CWC27: variants seen among roughly 807,000 people sequenced by gnomAD.
The protein encoded by CWC27 is CWC27 spliceosome associated cyclophilin.
Under a neutral mutation model 63.6 loss-of-function variants are expected in CWC27, and 47 were observed. The observed-to-expected ratio is 0.74, with a 90% CI of 0.58 to 0.94. CWC27 has a LOEUF of 0.94. Ranked by LOEUF, CWC27 falls within the 40% of genes least tolerant of loss-of-function variation. The probability of loss-of-function intolerance (pLI) is 0.00; values close to 1 mark genes in which losing one functional copy is unlikely to be tolerated. For synonymous variants in CWC27, 175 were observed against 179.8 expected (o/e 0.97, Z 0.22); for missense variants, 495 against 554.3 (o/e 0.89, Z 1.07).
At chr5:64,905,452 A>G (rs1747612308) in intron 11 of CWC27, among the ~76,000 whole-genome samples, 1 of 152,128 alleles carries the variant, frequency 6.6e-6, no homozygotes. Flanking sequence ...ATGACCCATT[A>G]CAGTAAAGGG....
At chr5:64,784,580 A>G (rs1346032048) in intron 4 of CWC27, among the ~76,000 whole-genome samples, 1 of 152,200 alleles carries the variant, frequency 6.6e-6, no homozygotes, top group Non-Finnish European at 1.5e-5. Flanking sequence ...CATATCGGAC[A>G]TCACTAGTGC....
intron 10 of CWC27, among the ~76,000 whole-genome samples, chr5:64,883,410 G>A (rs991159157): frequency 1.3e-5 from 2 of 152,152 alleles, no homozygotes; most frequent in Non-Finnish European, 2.9e-5. Context: ...ACCTATATAG[G>A]AGTGATAGTT....
chr5:64,888,517 T>C, intron 11 of CWC27, among the ~76,000 whole-genome samples: 1 of 124,926 alleles, frequency 8.0e-6, no homozygotes, highest in South Asian at 2.6e-4. Context: ...CATATATTAT[T>C]ATTTATTATT....
intron 7 of CWC27, among the ~76,000 whole-genome samples, chr5:64,791,272 T>C (rs899011248): frequency 1.3e-5 from 2 of 152,208 alleles, no homozygotes; most frequent in African/African-American, 4.8e-5. Flanking sequence ...GTTTGAATTT[T>C]TTCTATTTGT....
intron 10 of CWC27, among the ~76,000 whole-genome samples, chr5:64,852,739 C>T (rs1413338825): frequency 1.3e-5 from 2 of 150,930 alleles, no homozygotes; most frequent in Non-Finnish European, 2.9e-5. Context: ...TCCCAAAGTG[C>T]TGGAATTACA....
chr5:64,911,182 G>A (rs1747778103), intron 11 of CWC27, among the ~76,000 whole-genome samples: 1 of 152,148 alleles, frequency 6.6e-6, no homozygotes, highest in Non-Finnish European at 1.5e-5. Context: ...CTCCCTCCGT[G>A]TTAACAATCA....
chr5:64,985,603 G>A (rs1339098301), intron 13 of CWC27, among the ~76,000 whole-genome samples: 1 of 152,102 alleles, frequency 6.6e-6, no homozygotes, highest in Non-Finnish European at 1.5e-5. Context: ...GTTTTTGTTT[G>A]TTGGCCTGGT....
At chr5:64,937,538 G>A (rs1295779105) in intron 11 of CWC27, among the ~76,000 whole-genome samples, 3 of 152,190 alleles carry the variant, frequency 2.0e-5, no homozygotes. Context: ...TAGAATAAGT[G>A]TGATGTGGTG....
At chr5:64,850,145 T>TGGA (rs1331768687) in intron 10 of CWC27, among the ~76,000 whole-genome samples, 1 of 149,490 alleles carries the variant, frequency 6.7e-6, no homozygotes, top group Non-Finnish European at 1.5e-5. Context: ...AGAGCTAAGC[T>TGGA]GGAGGTATCA....
chr5:64,917,645 AC>A (rs1650800572), intron 11 of CWC27, among the ~76,000 whole-genome samples: 1 of 152,164 alleles, frequency 6.6e-6, no homozygotes, highest in African/African-American at 2.4e-5. Context: ...CCTGAATAGA[AC>A]AAAAAGGCTG....
chr5:65,015,748 G>A (rs1055265417), intron 13 of CWC27, among the ~76,000 whole-genome samples: 3 of 152,204 alleles, frequency 2.0e-5, no homozygotes, highest in Non-Finnish European at 4.4e-5. Flanking sequence ...AAGTAAAGAG[G>A]AGCTGTGCTT....
At chr5:64,908,611 T>G (rs1747714591) in intron 11 of CWC27, among the ~76,000 whole-genome samples, 1 of 152,234 alleles carries the variant, frequency 6.6e-6, no homozygotes, top group South Asian at 2.1e-4. Context: ...CTCCTCTTAT[T>G]GAATTGATCC....
intron 11 of CWC27, among the ~76,000 whole-genome samples, chr5:64,938,742 C>T (rs1037815348): frequency 5.3e-5 from 8 of 152,286 alleles, no homozygotes; most frequent in South Asian, 2.1e-4. Context: ...TCAGGTACAC[C>T]AGTCAAACAT....
At chr5:64,827,434 A>T (rs565705214) in intron 10 of CWC27, among the ~76,000 whole-genome samples, 1 of 152,104 alleles carries the variant, frequency 6.6e-6, no homozygotes, top group Admixed American at 6.6e-5. Context: ...ACTTGACTAT[A>T]AAAAAAGGAC....
chr5:64,938,906 A>G (rs1748416176), intron 11 of CWC27, among the ~76,000 whole-genome samples: 1 of 152,048 alleles, frequency 6.6e-6, no homozygotes. Flanking sequence ...TCTGCTATTG[A>G]TACTTGTGTA....
At chr5:64,837,622 AAGCAAGTTC>A (rs1262994283) in intron 10 of CWC27, among the ~76,000 whole-genome samples, 2 of 151,896 alleles carry the variant, frequency 1.3e-5, no homozygotes, top group African/African-American at 4.8e-5. Context: ...CAAGAATATG[AAGCAAGTTC>A]AGGGTTAAAG....
intron 11 of CWC27, among the ~76,000 whole-genome samples, chr5:64,923,846 A>G (rs1191773810): frequency 6.6e-6 from 1 of 151,718 alleles, no homozygotes. Flanking sequence ...TTTCTTCTTC[A>G]TAATAATAAT....
At chr5:64,992,137 T>A (rs997327043) in intron 13 of CWC27, among the ~76,000 whole-genome samples, 2 of 152,248 alleles carry the variant, frequency 1.3e-5, no homozygotes, top group African/African-American at 4.8e-5. Context: ...AGGACCTTTA[T>A]CCTACCTCAT....
intron 13 of CWC27, among the ~76,000 whole-genome samples, chr5:65,014,662 G>T (rs1034066911): frequency 6.6e-6 from 1 of 152,074 alleles, no homozygotes; most frequent in Non-Finnish European, 1.5e-5. Context: ...AATTGAGTCC[G>T]TATTCTAAAT....
Sources: allele counts gnomAD v4.1 joint callset (sites outside exome capture counted in the v4.1 genomes callset), GRCh38; gene constraint gnomAD v4.1.1; transcripts MANE v1.5; gene names NCBI Gene and HGNC (gene_info 2026-07-23, HGNC 2026-07-21).